PKHD1: variants seen among roughly 807,000 people sequenced by gnomAD.
PKHD1 encodes PKHD1 ciliary IPT domain containing fibrocystin/polyductin.
PKHD1 carries 291 observed loss-of-function variants against 412.0 expected under a neutral mutation model. The ratio of observed to expected loss-of-function variants is 0.71; its 90% CI spans 0.64 to 0.78. The LOEUF (loss-of-function observed/expected upper bound fraction) is 0.78. Ranked by LOEUF, PKHD1 falls within the 30% of genes least tolerant of loss-of-function variation. The pLI, the probability that PKHD1 is intolerant of heterozygous loss-of-function variation, is 0.00. For synonymous variants in PKHD1, 1,777 were observed against 1,821.5 expected, an observed-to-expected ratio of 0.98 and a Z score of 0.62; for missense variants, 4,825 against 4,950.7, an observed-to-expected ratio of 0.97 and a Z score of 0.76.
chr6:51,646,240 C>T (rs1562014604), intron 63 of PKHD1, among the ~76,000 whole-genome samples: 2 of 152,114 alleles, frequency 1.3e-5, no homozygotes, highest in East Asian at 1.9e-4. Context: ...GGACTCCCTC[C>T]GATGAGAAGG....
At chr6:51,792,957 A>G (rs1362728863) in intron 52 of PKHD1, among the ~76,000 whole-genome samples, 2 of 152,214 alleles carry the variant, frequency 1.3e-5, no homozygotes, top group East Asian at 3.8e-4. Context: ...GCTGGTCCTC[A>G]GTGTGATTAT....
chr6:51,800,704 C>G (rs1762776999), intron 52 of PKHD1, among the ~76,000 whole-genome samples: 1 of 152,168 alleles, frequency 6.6e-6, no homozygotes, highest in Non-Finnish European at 1.5e-5. Flanking sequence ...ATGATGGGGT[C>G]ACATGAACAG....
intron 13 of PKHD1, among the ~76,000 whole-genome samples, chr6:52,063,997 T>G (rs1197305389): frequency 2.0e-5 from 3 of 152,250 alleles, no homozygotes; most frequent in African/African-American, 7.2e-5. Context: ...ATTATCTTGA[T>G]TACTTGTTTC....
At position 51,903,583 on chromosome 6, in the gene PKHD1, G is replaced by A; in HGVS notation, c.6996+14C>T. The stretch of plus-strand genomic sequence containing the variant: ...TCTCAGTTCTGGTCTTCCTGGTAGA[G>A]CTGAACATCTTACCTCTATAACATT... On this transcript the variant is annotated intron_variant, in intron 43 of 66. Transcript: ENST00000371117. The A allele has an allele frequency of 6.2e-7, 1 of 1,607,108 alleles. No individual in the cohort carries two copies. The highest frequency in any genetic ancestry group is 8.5e-7 in the Non-Finnish European group (1 of 1,174,906).
At chr6:51,636,485 T>G (rs1319615431) in intron 64 of PKHD1, among the ~76,000 whole-genome samples, 1 of 152,070 alleles carries the variant, frequency 6.6e-6, no homozygotes, top group Non-Finnish European at 1.5e-5. Context: ...AGGTTGAGAC[T>G]GCAATGAGCC....
chr6:51,713,021 A>G (rs1780834759), intron 60 of PKHD1, among the ~76,000 whole-genome samples: 1 of 152,218 alleles, frequency 6.6e-6, no homozygotes, highest in Admixed American at 6.5e-5. Flanking sequence ...AACAGATAAA[A>G]TGATTAGAAG....
intron 32 of PKHD1, among the ~76,000 whole-genome samples, chr6:52,023,363 T>A (rs994563510): frequency 6.6e-6 from 1 of 152,196 alleles, no homozygotes; most frequent in African/African-American, 2.4e-5. Flanking sequence ...ATTCAAAGCA[T>A]TATTCTATCC....
chr6:51,887,036 T>C lies in PKHD1; in HGVS notation c.7109+97A>G, dbSNP rs1778316443. The C allele has an allele frequency of 1.7e-5, 14 of 811,834 alleles. No homozygotes were observed. In the South Asian group the frequency reaches 1.9e-4, roughly 11 times the overall value. 50.3% of individuals were successfully genotyped at this position (811,834 alleles called of 1,614,324 possible). A position where few individuals can be genotyped will look rare whatever the true frequency, so the allele number is the denominator to read the frequency against. On this transcript the variant is annotated intron_variant, in intron 44 of 66. Transcript: ENST00000371117. The stretch of plus-strand genomic sequence containing the variant: ...AAATGCACAGGAACATCACCCAATC[T>C]CCAACAAATGCCCAAAGTGCTCTCA...
chr6:51,645,680 G>A (rs183404676), intron 63 of PKHD1, among the ~76,000 whole-genome samples: 126 of 152,258 alleles, frequency 8.3e-4, no homozygotes, highest in African/African-American at 2.8e-3. Flanking sequence ...GGCACGAACC[G>A]CCGTTCCCAG....
intron 30 of PKHD1, 93 bp downstream of exon 30, chr6:52,028,063 G>A: frequency 7.3e-7 from 1 of 1,368,180 alleles, no homozygotes; most frequent in Non-Finnish European, 1.0e-6. Flanking sequence ...AACTTCCAAG[G>A]GAAAAAGAAA....
At chr6:51,719,775 T>C (rs1781691720) in intron 60 of PKHD1, among the ~76,000 whole-genome samples, 1 of 152,210 alleles carries the variant, frequency 6.6e-6, no homozygotes, top group African/African-American at 2.4e-5. Flanking sequence ...TTTATTATGC[T>C]GTTGGCAAAA....
chr6:51,997,882 T>C (rs1797886251), intron 35 of PKHD1, among the ~76,000 whole-genome samples: 1 of 152,180 alleles, frequency 6.6e-6, no homozygotes. Flanking sequence ...AATGGTTCCA[T>C]CTCATAGCTT....
intron 60 of PKHD1, among the ~76,000 whole-genome samples, chr6:51,713,486 T>G (rs1780886385): frequency 6.6e-6 from 1 of 152,070 alleles, no homozygotes; most frequent in East Asian, 1.9e-4. Context: ...GGGCCTGGAG[T>G]TGAGAGAGGG....
At chr6:51,899,228 C>G (rs75949852) in intron 43 of PKHD1, among the ~76,000 whole-genome samples, 73,836 of 151,612 alleles carry the variant, frequency 0.49, 19,596 homozygotes, top group East Asian at 0.86. Context: ...GAGAACTTTA[C>G]ACCAATATCC....
At chr6:51,901,215 G>T (rs1775878261) in intron 43 of PKHD1, among the ~76,000 whole-genome samples, 1 of 152,164 alleles carries the variant, frequency 6.6e-6, no homozygotes, top group Non-Finnish European at 1.5e-5. Flanking sequence ...AAAGACACAT[G>T]CACACGTATG....
rs555491129 is a variant in PKHD1, at chr6:51,690,069, C to T, written c.10157-30100G>A. ...TGGGCGGATCACAGGGTCATGAGCTCGAGACCAGCTTGGTCAATATGAAGA... is the reference window on the plus strand; with the variant it reads ...TGGGCGGATCACAGGGTCATGAGCTTGAGACCAGCTTGGTCAATATGAAGA... On this transcript the variant is annotated intron_variant, in intron 60 of 66. Coordinates refer to ENST00000371117, the MANE Select transcript of PKHD1 (RefSeq NM_138694.4). Among the ~76,000 whole-genome samples the T allele has an allele frequency of 5.3e-4, 81 of 151,832 alleles. 1 individual carries two copies. In the South Asian group the frequency reaches 0.016, roughly 31 times the overall value.
rs1415728896 is a variant in PKHD1, at chr6:52,065,164, T to TAGAG, written c.881-115_881-114insCTCT. Reference sequence around the variant, plus strand: ...ATATATATATATATATATATATATATATATAGAGAGAGAGAGAGAGAGAGA... The same window carrying TAGAG: ...ATATATATATATATATATATATATATAGAGATATAGAGAGAGAGAGAGAGAGAGA... On this transcript the variant is annotated intron_variant, in intron 12 of 66. Transcript: ENST00000371117. The TAGAG allele has an allele frequency of 4.6e-3, 263 of 57,626 alleles. 3 individuals are homozygous for TAGAG. The highest frequency in any genetic ancestry group is 7.8e-3 in the Admixed American group (32 of 4,094). 3.6% of individuals were successfully genotyped at this position (57,626 alleles called of 1,614,324 possible).
intron 4 of PKHD1, among the ~76,000 whole-genome samples, chr6:52,081,488 A>T (rs993529803): frequency 6.6e-6 from 1 of 152,170 alleles, no homozygotes; most frequent in Non-Finnish European, 1.5e-5. Flanking sequence ...TAACTGACAT[A>T]TAAGTGTTAT....
At chr6:51,926,104 G>A (rs1785569595) in intron 37 of PKHD1, among the ~76,000 whole-genome samples, 1 of 152,068 alleles carries the variant, frequency 6.6e-6, no homozygotes, top group African/African-American at 2.4e-5. Flanking sequence ...GAAAGCTAAG[G>A]AGAAGAAAAC....
Sources: allele counts gnomAD v4.1 joint callset (sites outside exome capture counted in the v4.1 genomes callset), GRCh38; gene constraint gnomAD v4.1.1; transcripts MANE v1.5; gene names NCBI Gene and HGNC (gene_info 2026-07-23, HGNC 2026-07-21).